The following MAP4K3 variants were observed in gnomAD, a reference collection of about 807,000 sequenced individuals.
MAP4K3 encodes mitogen-activated protein kinase kinase kinase kinase 3, also known as MAPK/ERK kinase kinase kinase 3.
MAP4K3 carries 94 observed loss-of-function variants against 143.5 expected under a neutral mutation model. The ratio of observed to expected loss-of-function variants is 0.65; its 90% CI spans 0.55 to 0.78. The LOEUF is 0.78. MAP4K3 is among the 30% of genes least tolerant of loss of function. The pLI is 0.00. For missense variants in MAP4K3, 1,077 were observed against 1,068.1 expected (o/e 1.01, Z -0.12); for synonymous variants, 416 against 347.2 (o/e 1.20, Z -2.20).
chr2:39,420,662 C>T (rs1667520465), intron 1 of MAP4K3, among the ~76,000 whole-genome samples: 1 of 152,148 alleles, frequency 6.6e-6, no homozygotes, highest in East Asian at 1.9e-4. Context: ...ATCCTCCCAC[C>T]TCAGCATCCT....
chr2:39,282,022 G>T (rs1159695118), intron 22 of MAP4K3, among the ~76,000 whole-genome samples: 2 of 149,312 alleles, frequency 1.3e-5, no homozygotes, highest in Admixed American at 1.3e-4. Flanking sequence ...GGTAAAACCC[G>T]TCTCTATAAA....
intron 26 of MAP4K3, among the ~76,000 whole-genome samples, chr2:39,269,343 T>A (rs2148451310): frequency 6.6e-6 from 1 of 152,172 alleles, no homozygotes; most frequent in Non-Finnish European, 1.5e-5. Context: ...TGAAAAGCTA[T>A]AATTTTAGCT....
chr2:39,273,451 C>G (rs1302669210), intron 24 of MAP4K3, among the ~76,000 whole-genome samples: 1 of 152,184 alleles, frequency 6.6e-6, no homozygotes, highest in East Asian at 1.9e-4. Context: ...ATTTAACAAC[C>G]TTTGTTGCTG....
At chr2:39,368,612 T>A (rs574614560) in intron 2 of MAP4K3, among the ~76,000 whole-genome samples, 24 of 151,976 alleles carry the variant, frequency 1.6e-4, no homozygotes, top group African/African-American at 1.4e-4. Context: ...GGGGCTGCAG[T>A]GAGCTATGAT....
intron 1 of MAP4K3, among the ~76,000 whole-genome samples, chr2:39,404,800 T>C (rs1231854778): frequency 6.6e-6 from 1 of 152,062 alleles, no homozygotes; most frequent in African/African-American, 2.4e-5. Flanking sequence ...TTTATACTTT[T>C]AGCAGAGACG....
At chr2:39,285,634 A>G (rs1442946386) in intron 21 of MAP4K3, among the ~76,000 whole-genome samples, 1 of 151,186 alleles carries the variant, frequency 6.6e-6, no homozygotes, top group Non-Finnish European at 1.5e-5. Flanking sequence ...TATTTTTAAA[A>G]AGTTAAACAG....
intron 12 of MAP4K3, 65 bp downstream of exon 12, chr2:39,325,453 C>T (rs547317903): frequency 1.1e-4 from 121 of 1,094,920 alleles, no homozygotes; most frequent in Middle Eastern, 9.2e-4. Context: ...GACGTACATA[C>T]AGACACACAT....
chr2:39,329,040 T>C (rs1254770869), intron 8 of MAP4K3, among the ~76,000 whole-genome samples: 1 of 152,188 alleles, frequency 6.6e-6, no homozygotes, highest in African/African-American at 2.4e-5. Flanking sequence ...GAAAGACAGA[T>C]ACAGGGAGAG....
intron 4 of MAP4K3, among the ~76,000 whole-genome samples, 184 bp from the exon 5 acceptor site, chr2:39,337,765 T>TTTTG: frequency 7.4e-6 from 1 of 135,330 alleles, no homozygotes; most frequent in South Asian, 2.6e-4. Flanking sequence ...TTTTTTTTTT[T>TTTTG]TTTTTTTTTT....
intron 1 of MAP4K3, among the ~76,000 whole-genome samples, chr2:39,428,537 G>C (rs548385993): frequency 2.6e-5 from 4 of 151,756 alleles, no homozygotes; most frequent in Non-Finnish European, 5.9e-5. Context: ...TTAGCTGGGC[G>C]TGGTGACGGG....
chr2:39,288,335 A>G (rs1681887758), intron 19 of MAP4K3, 55 bp from the exon 20 acceptor site: 1 of 1,493,274 alleles, frequency 6.7e-7, no homozygotes, highest in African/African-American at 1.4e-5. Flanking sequence ...ATTTTCCTGA[A>G]GTAAGTACTA....
chr2:39,262,548 C>T (rs149986937), intron 28 of MAP4K3, among the ~76,000 whole-genome samples: 1 of 152,196 alleles, frequency 6.6e-6, no homozygotes, highest in African/African-American at 2.4e-5. Context: ...AGTTTAAACA[C>T]AGAAACAACG....
chr2:39,269,617 G>A (rs895243164), intron 26 of MAP4K3, among the ~76,000 whole-genome samples: 4 of 151,908 alleles, frequency 2.6e-5, no homozygotes, highest in African/African-American at 7.3e-5. Flanking sequence ...TGGAACTACA[G>A]GCTGTATCAA....
chr2:39,391,424 CA>C (rs1179826162), intron 1 of MAP4K3, among the ~76,000 whole-genome samples: 4 of 144,410 alleles, frequency 2.8e-5, no homozygotes, highest in African/African-American at 1.0e-4. Context: ...TCCTAGAGAT[CA>C]ACTGTGCACA....
chr2:39,289,443 T>A (rs1450814423), intron 19 of MAP4K3, among the ~76,000 whole-genome samples: 2 of 152,190 alleles, frequency 1.3e-5, no homozygotes, highest in Non-Finnish European at 2.9e-5. Context: ...TTGCTATGCA[T>A]ATGAACTTAT....
intron 1 of MAP4K3, among the ~76,000 whole-genome samples, chr2:39,427,874 C>T (rs1351263761): frequency 6.6e-6 from 1 of 152,180 alleles, no homozygotes; most frequent in Non-Finnish European, 1.5e-5. Context: ...ACATTATCTA[C>T]CACATTTCCC....
At chr2:39,354,080 G>A (rs1282180508) in intron 3 of MAP4K3, among the ~76,000 whole-genome samples, 1 of 152,098 alleles carries the variant, frequency 6.6e-6, no homozygotes, top group Admixed American at 6.6e-5. Flanking sequence ...ACATAAATGA[G>A]TGGGGTTATC....
In MAP4K3 at chr2:39,325,891, ATACT is replaced by A; in HGVS notation, c.725+4_725+7del. ...CACCATAAAAGTAAATAACATAAAA[ATACT>A]TACCATTTCATTTTATCCTTTAGTT... On this transcript the variant is annotated splice_donor_5th_base_variant and intron_variant, in intron 10 of 33. Coordinates refer to ENST00000263881, the MANE Select transcript of MAP4K3 (RefSeq NM_003618.4). 1 of 1,572,656 alleles carries A rather than the reference ATACT, an allele frequency of 6.4e-7. No homozygotes were observed. Among genetic ancestry groups the A allele is most frequent in the Non-Finnish European group, 8.7e-7 (1 of 1,149,104 alleles).
At chr2:39,373,750 T>C (rs886169139) in intron 2 of MAP4K3, among the ~76,000 whole-genome samples, 4 of 152,026 alleles carry the variant, frequency 2.6e-5, no homozygotes, top group African/African-American at 9.7e-5. Context: ...CAATTGAACT[T>C]AAGGAGATAG....
Sources: allele counts gnomAD v4.1 joint callset (sites outside exome capture counted in the v4.1 genomes callset), GRCh38; gene constraint gnomAD v4.1.1; transcripts MANE v1.5; gene names NCBI Gene and HGNC (gene_info 2026-07-23, HGNC 2026-07-21).